Variants in WIF1 observed in about 807,000 individuals in gnomAD.
WIF1 encodes the protein Wnt inhibitory factor 1.
In WIF1, 35 loss-of-function variants were observed where a neutral mutation model predicts 53.5. That is an observed-to-expected ratio of 0.65 (90% CI 0.50 to 0.87). The LOEUF (loss-of-function observed/expected upper bound fraction) is 0.87, where lower values mean the gene tolerates loss of function less well. Ranked by LOEUF, WIF1 falls within the 40% of genes least tolerant of loss-of-function variation. The probability of loss-of-function intolerance (pLI) is 0.00; values close to 1 mark genes in which losing one functional copy is unlikely to be tolerated. For synonymous variants in WIF1, 171 were observed against 170.4 expected (o/e 1.00, Z -0.03); for missense variants, 467 against 476.8 (o/e 0.98, Z 0.19).
intron 3 of WIF1, among the ~76,000 whole-genome samples, chr12:65,070,688 T>C (rs1234176492): frequency 3.3e-5 from 5 of 152,172 alleles, no homozygotes; most frequent in Non-Finnish European, 7.4e-5. Flanking sequence ...GGTGTATCTT[T>C]TTTCTGAACC....
intron 2 of WIF1, among the ~76,000 whole-genome samples, chr12:65,114,650 A>G (rs1883482128): frequency 6.6e-6 from 1 of 152,202 alleles, no homozygotes; most frequent in Non-Finnish European, 1.5e-5. Context: ...TACATGTTGG[A>G]AAATGTTTCA....
intron 2 of WIF1, among the ~76,000 whole-genome samples, chr12:65,079,847 C>G (rs1015759948): frequency 2.6e-5 from 4 of 151,656 alleles, no homozygotes; most frequent in African/African-American, 9.7e-5. Flanking sequence ...AGTTCCACAC[C>G]CAGAACTACA....
At chr12:65,107,502 C>G (rs1883368543) in intron 2 of WIF1, among the ~76,000 whole-genome samples, 1 of 152,104 alleles carries the variant, frequency 6.6e-6, no homozygotes, top group Non-Finnish European at 1.5e-5. Flanking sequence ...CTCCTGTAAC[C>G]CCAGCTACTC....
intron 6 of WIF1, among the ~76,000 whole-genome samples, chr12:65,063,487 T>C (rs1372708617): frequency 6.6e-6 from 1 of 152,104 alleles, no homozygotes; most frequent in Admixed American, 6.6e-5. Context: ...AAATTGGCTA[T>C]AGATGAACAA....
chr12:65,055,976 C>A, intron 8 of WIF1, 55 bp downstream of exon 8: 4 of 1,513,626 alleles, frequency 2.6e-6, no homozygotes, highest in Non-Finnish European at 3.6e-6. Context: ...GTGAGAGACT[C>A]CTGCTAGTTT....
At chr12:65,092,887 T>C (rs1215643365) in intron 2 of WIF1, among the ~76,000 whole-genome samples, 1 of 152,038 alleles carries the variant, frequency 6.6e-6, no homozygotes, top group Non-Finnish European at 1.5e-5. Flanking sequence ...GAGGAAACTC[T>C]GTAGGTGACA....
At chr12:65,089,561 C>T (rs1360316945) in intron 2 of WIF1, among the ~76,000 whole-genome samples, 1 of 152,162 alleles carries the variant, frequency 6.6e-6, no homozygotes, top group Non-Finnish European at 1.5e-5. Flanking sequence ...AACTTTCTCT[C>T]TAGCTCTGCC....
At chr12:65,106,072 G>A (rs550729267) in intron 2 of WIF1, among the ~76,000 whole-genome samples, 5 of 152,156 alleles carry the variant, frequency 3.3e-5, no homozygotes, top group Non-Finnish European at 5.9e-5. Flanking sequence ...GGCACCATGG[G>A]TCAGGATATC....
In WIF1 at chr12:65,079,893, TTCTA is replaced by T. The variant is rs572124501; in HGVS notation, c.289-2043_289-2040del. 2.6e-3 allele frequency among the ~76,000 whole-genome samples: 393 copies of T among 152,272 alleles called. 1 individual carries two copies. The highest frequency in any genetic ancestry group is 7.0e-3 in the African/African-American group (290 of 41,554). On this transcript the variant is annotated intron_variant, in intron 2 of 9. Coordinates refer to ENST00000286574, the MANE Select transcript of WIF1 (RefSeq NM_007191.5). Reference sequence around the variant, plus strand: ...GTAATTAATTATATTAATTTTTGCATTCTATCTATTAATTAAAGAAATTACATTA... The same window carrying T: ...GTAATTAATTATATTAATTTTTGCATTCTATTAATTAAAGAAATTACATTA...
intron 2 of WIF1, among the ~76,000 whole-genome samples, chr12:65,092,826 C>T (rs539781554): frequency 5.9e-5 from 9 of 151,926 alleles, no homozygotes; most frequent in African/African-American, 2.2e-4. Context: ...AGGAGGAACC[C>T]GAGACAGAGC....
chr12:65,080,911 G>A (rs1189886045), intron 2 of WIF1, among the ~76,000 whole-genome samples: 1 of 151,944 alleles, frequency 6.6e-6, no homozygotes, highest in Admixed American at 6.6e-5. Flanking sequence ...TTCTATGTGT[G>A]ATATATTTAA....
intron 3 of WIF1, among the ~76,000 whole-genome samples, chr12:65,077,234 T>A (rs1438553487): frequency 6.6e-6 from 1 of 152,242 alleles, no homozygotes; most frequent in African/African-American, 2.4e-5. Context: ...TATCACATAC[T>A]ATTATTTTCT....
chr12:65,074,817 C>A (rs1291388794), intron 3 of WIF1, among the ~76,000 whole-genome samples: 117 of 55,468 alleles, frequency 2.1e-3, no homozygotes, highest in African/African-American at 2.9e-3. Context: ...CACTCTGTCT[C>A]AAAAAAAAAA....
chr12:65,093,782 C>A (rs772614814), intron 2 of WIF1, among the ~76,000 whole-genome samples: 1 of 152,038 alleles, frequency 6.6e-6, no homozygotes, highest in Non-Finnish European at 1.5e-5. Context: ...ATTCGGTTCC[C>A]GGATGGTCTG....
chr12:65,056,236 G>T, intron 7 of WIF1, 110 bp from the exon 8 acceptor site: 3 of 941,268 alleles, frequency 3.2e-6, no homozygotes, highest in Non-Finnish European at 4.6e-6. Context: ...CTTTTAAATG[G>T]CAATTTTCAT....
At chr12:65,104,462 C>T (rs994570112) in intron 2 of WIF1, among the ~76,000 whole-genome samples, 4 of 152,208 alleles carry the variant, frequency 2.6e-5, no homozygotes, top group Non-Finnish European at 4.4e-5. Flanking sequence ...ATCATGGATT[C>T]TGCAGTCAGA....
intron 2 of WIF1, among the ~76,000 whole-genome samples, chr12:65,079,491 T>C (rs1329674179): frequency 6.6e-6 from 1 of 152,074 alleles, no homozygotes; most frequent in African/African-American, 2.4e-5. Context: ...TTGTTATTAT[T>C]ATCATCAATA....
intron 2 of WIF1, among the ~76,000 whole-genome samples, chr12:65,108,039 G>A (rs1325746688): frequency 6.6e-6 from 1 of 152,166 alleles, no homozygotes; most frequent in Non-Finnish European, 1.5e-5. Context: ...AAGAACACCA[G>A]GAACCCTATG....
intron 2 of WIF1, among the ~76,000 whole-genome samples, chr12:65,089,728 C>T (rs1473661430): frequency 6.6e-6 from 1 of 152,292 alleles, no homozygotes; most frequent in African/African-American, 2.4e-5. Flanking sequence ...CAGACTTTGA[C>T]TTACCTCTCC....
Sources: allele counts gnomAD v4.1 joint callset (sites outside exome capture counted in the v4.1 genomes callset), GRCh38; gene constraint gnomAD v4.1.1; transcripts MANE v1.5; gene names NCBI Gene and HGNC (gene_info 2026-07-23, HGNC 2026-07-21).